The following PPP1R11 variants were observed in gnomAD, a reference collection of about 807,000 sequenced individuals.
PPP1R11 encodes the protein protein phosphatase 1 regulatory inhibitor subunit 11.
Under a neutral mutation model 11.3 loss-of-function variants are expected in PPP1R11, and 10 were observed. The ratio of observed to expected loss-of-function variants is 0.88; its 90% CI spans 0.55 to 1.50. The LOEUF (loss-of-function observed/expected upper bound fraction) is 1.50, where lower values mean the gene tolerates loss of function less well. Ranked by LOEUF, PPP1R11 falls within the 40% of genes most tolerant of loss-of-function variation. The probability of loss-of-function intolerance (pLI) is 0.00; values close to 1 mark genes in which losing one functional copy is unlikely to be tolerated. For missense variants in PPP1R11, 114 were observed against 179.1 expected, an observed-to-expected ratio of 0.64 and a Z score of 2.07; for synonymous variants, 56 against 62.3, an observed-to-expected ratio of 0.90 and a Z score of 0.48.
intron 1 of PPP1R11, 163 bp from the exon 2 acceptor site, chr6:30,068,427 T>C (rs1765687345): frequency 3.7e-6 from 2 of 542,336 alleles, no homozygotes; most frequent in African/African-American, 1.9e-5. Flanking sequence ...AGGGACTATC[T>C]GAGGTAAAAG....
At chr6:30,061,784 C>T (rs1765096446), upstream of PPP1R11, 1 of 1,561,886 alleles carries the variant, frequency 6.4e-7, no homozygotes, top group African/African-American at 1.4e-5. This position sits in a 1 kb window ranked among gnomAD's most constrained non-coding sequence, Gnocchi z 5.0. Context: ...GGCGGTTGTA[C>T]ATTTGGTCTA....
intron 1 of PPP1R11, among the ~76,000 whole-genome samples, chr6:30,067,931 AAAG>A (rs1204808868): frequency 1.3e-5 from 2 of 152,134 alleles, no homozygotes; most frequent in Admixed American, 6.5e-5. Flanking sequence ...AAGGAGATGA[AAAG>A]AGGTATTTTG....
intron 2 of PPP1R11, among the ~76,000 whole-genome samples, 186 bp downstream of exon 2, chr6:30,068,884 C>G (rs924558016): frequency 3.3e-5 from 5 of 152,026 alleles, no homozygotes; most frequent in Non-Finnish European, 5.9e-5. Context: ...CTAGGTCTGA[C>G]AGCAAGAAGT....
At chr6:30,064,709 G>A, upstream of PPP1R11, 21 of 1,607,688 alleles carry the variant, frequency 1.3e-5, no homozygotes, top group Non-Finnish European at 1.8e-5. Flanking sequence ...CTTTTTCCTG[G>A]GCAACTCTAC....
Position 30,069,274 on chromosome 6 carries a change from T to TC in PPP1R11, c.352dup (p.Gln118ProfsTer42). The TC allele has an allele frequency of 6.2e-7, 1 of 1,608,554 alleles. No homozygotes were observed. Among genetic ancestry groups the TC allele is most frequent in the Non-Finnish European group, 8.5e-7 (1 of 1,177,186 alleles). On this transcript the variant is annotated frameshift_variant, in exon 3 of 3. Transcript: ENST00000376772. LOFTEE classifies it high-confidence loss of function. The surrounding 1 kb of genome is among the most constrained non-coding windows in gnomAD (Gnocchi z 6.6). ...CACCCCTCCCCAGCCTCCTGACCCTTCCCAGCCCCCTCCAGGGCCAATGCA... is the reference window on the plus strand; with the variant it reads ...CACCCCTCCCCAGCCTCCTGACCCTTCCCCAGCCCCCTCCAGGGCCAATGCA...
upstream of PPP1R11, among the ~76,000 whole-genome samples, chr6:30,062,714 C>CTTT (rs9278555): frequency 4.5e-4 from 19 of 42,368 alleles, no homozygotes; most frequent in East Asian, 9.5e-4. Context: ...CCACGCCTGG[C>CTTT]TTTTTTTTTT....
In PPP1R11 at chr6:30,070,213, C is replaced by T. The variant is rs6539; in HGVS notation, c.*907C>T. On this transcript the variant is annotated 3_prime_UTR_variant, in exon 3 of 3. Transcript: ENST00000376772. The stretch of plus-strand genomic sequence containing the variant: ...CCCCTCTCTACCCCTTACTGGGATC[C>T]GGTTTTCATTTTCCGGTCCTTTTGC... 0.89 allele frequency: 136,941 copies of T among 153,258 alleles called. 61,284 individuals are homozygous for T. The highest frequency in any genetic ancestry group is 0.99 in the East Asian group (5,138 of 5,206). The allele number at this position is 153,258 out of a possible 1,614,324, so 9.5% of individuals were successfully genotyped here.
upstream of PPP1R11, chr6:30,064,543 T>C: frequency 1.4e-6 from 1 of 697,534 alleles, no homozygotes; most frequent in South Asian, 2.3e-5. Context: ...TGGAAGTTTG[T>C]TTAGGGGAGC....
chr6:30,062,477 G>T, upstream of PPP1R11: 86 of 428,158 alleles, frequency 2.0e-4, no homozygotes, highest in South Asian at 1.1e-3. Context: ...ATTTGTAGTT[G>T]TTTTTTATTT....
At position 30,069,145 on chromosome 6, in the gene PPP1R11, T is replaced by A. The variant is rs1765745374; in HGVS notation, c.220T>A (p.Ser74Thr). ...GAAACCTCGGGCCTTTGGCGAGAGC[T>A]CCACGGAAAGTGATGAGGAGGAAGA... is the stretch of plus-strand genomic sequence containing the variant. ...YEKPRAFGES[S>T]TESDEEEEEG... The change falls in exon 3 of 3, where the codon TCC becomes ACC. Residue 74 changes from serine to threonine, a missense_variant. Ser to Thr is a moderately conservative substitution (Grantham distance 58, BLOSUM62 1). Coordinates refer to ENST00000376772, the MANE Select transcript of PPP1R11 (RefSeq NM_021959.3). The surrounding 1 kb of genome is among the most constrained non-coding windows in gnomAD (Gnocchi z 6.6). 1 of 1,612,680 alleles carries A rather than the reference T, an allele frequency of 6.2e-7. No individual in the cohort carries two copies. The highest frequency in any genetic ancestry group is 2.2e-5 in the East Asian group (1 of 44,882).
chr6:30,065,335 G>C (rs140732720), upstream of PPP1R11, among the ~76,000 whole-genome samples: 982 of 152,198 alleles, frequency 6.5e-3, 3 homozygotes, highest in African/African-American at 0.014. This position sits in a 1 kb window ranked among gnomAD's most constrained non-coding sequence, Gnocchi z 5.3. Context: ...CTACTTCTGA[G>C]ACCCATAAGA....
Position 30,069,175 on chromosome 6 carries a change from G to A in PPP1R11, c.250G>A (p.Gly84Ser). ...STESDEEEEE[G>S]CGHTHCVRGH... ...GGAAAGTGATGAGGAGGAAGAAGAG[G>A]GCTGTGGTCATACACACTGTGTACG... Residue 84 changes from glycine to serine, a missense_variant, in exon 3 of 3, where the codon GGC (glycine) becomes AGC (serine). Transcript: ENST00000376772. This position sits in a 1 kb window ranked among gnomAD's most constrained non-coding sequence, Gnocchi z 6.6. 3.7e-6 allele frequency: 6 copies of A among 1,612,674 alleles called. No individual in the cohort carries two copies. The highest frequency in any genetic ancestry group is 2.2e-5 in the East Asian group (1 of 44,886).
chr6:30,066,162 T>C (rs933181806), upstream of PPP1R11, among the ~76,000 whole-genome samples: 2 of 152,152 alleles, frequency 1.3e-5, no homozygotes, highest in African/African-American at 4.8e-5. Context: ...TTTAAGCCTT[T>C]CTCTGGCCCA....
upstream of PPP1R11, chr6:30,061,931 G>A (rs1765111963): frequency 6.2e-7 from 1 of 1,613,122 alleles, no homozygotes; most frequent in Non-Finnish European, 8.5e-7. The surrounding 1 kb of genome is among the most constrained non-coding windows in gnomAD (Gnocchi z 5.0). Context: ...TGAGGGGAAG[G>A]TTGTGAAGAC....
At position 30,069,217 on chromosome 6, in the gene PPP1R11, C is replaced by T. The variant is rs575439296; in HGVS notation, c.292C>T (p.Arg98Trp). 271 of 1,612,982 alleles carry T rather than the reference C, an allele frequency of 1.7e-4. 3 individuals are homozygous for T. In the South Asian group the frequency reaches 2.8e-3, roughly 17 times the overall value. Residue 98 changes from arginine to tryptophan, a missense_variant, in exon 3 of 3, where the codon CGG (arginine) becomes TGG (tryptophan). Physicochemically the swap from Arg to Trp is moderately radical, Grantham distance 101. Transcript: ENST00000376772. This position sits in a 1 kb window ranked among gnomAD's most constrained non-coding sequence, Gnocchi z 6.6. ...CTGTGTACGTGGCCACCGCAAAGGA[C>T]GGCGTCGTGCAACCCTAGGACCGAC... ...THCVRGHRKG[R>W]RRATLGPTPT...
chr6:30,064,568 G>A, upstream of PPP1R11: 3 of 1,024,720 alleles, frequency 2.9e-6, no homozygotes, highest in South Asian at 4.7e-5. Flanking sequence ...CCTCAATGAT[G>A]TCATAAATAA....
rs771984764 is a variant in PPP1R11 at position 30,070,102 on chromosome 6, T to C, written c.*796T>C. 1 of 152,318 alleles carries C rather than the reference T, an allele frequency of 6.6e-6. No individual in the cohort carries two copies. The highest frequency in any genetic ancestry group is 1.5e-5 in the Non-Finnish European group (1 of 68,118). 9.4% of individuals were successfully genotyped at this position (152,318 alleles called of 1,614,324 possible). A position where few individuals can be genotyped will look rare whatever the true frequency, so the allele number is the denominator to read the frequency against. ...AAGGAAGAGGGAGGGAGCAAAGAGA[T>C]TGGGGTATGTCCCCTGTAGTACACT... On this transcript the variant is annotated 3_prime_UTR_variant, in exon 3 of 3. Transcript: ENST00000376772.
chr6:30,065,307 A>G (rs573924637), upstream of PPP1R11, among the ~76,000 whole-genome samples: 1 of 152,302 alleles, frequency 6.6e-6, no homozygotes, highest in South Asian at 2.1e-4. This position sits in a 1 kb window ranked among gnomAD's most constrained non-coding sequence, Gnocchi z 5.3. Context: ...TTGAGTCTAC[A>G]TATATGTGGA....
At chr6:30,064,967 G>C, upstream of PPP1R11, 1 of 355,998 alleles carries the variant, frequency 2.8e-6, no homozygotes, top group Non-Finnish European at 5.0e-6. Context: ...AGTTTCCAGA[G>C]ATATATTTAT....
Sources: allele counts gnomAD v4.1 joint callset (sites outside exome capture counted in the v4.1 genomes callset), GRCh38; gene constraint gnomAD v4.1.1; non-coding constraint Gnocchi (gnomAD v3.1); transcripts MANE v1.5; gene names NCBI Gene and HGNC (gene_info 2026-07-23, HGNC 2026-07-21).